SLC1A3: variants seen among roughly 807,000 people sequenced by gnomAD.
SLC1A3 encodes the protein solute carrier family 1 member 3.
Under a neutral mutation model 48.1 loss-of-function variants are expected in SLC1A3, and 21 were observed. That is an observed-to-expected ratio of 0.44 (90% CI 0.31 to 0.63). The LOEUF is 0.63. Ranked by LOEUF, SLC1A3 falls within the 20% of genes least tolerant of loss-of-function variation. The pLI, the probability that SLC1A3 is intolerant of heterozygous loss-of-function variation, is 0.08. For synonymous variants in SLC1A3, 239 were observed against 251.4 expected (o/e 0.95, Z 0.47); for missense variants, 546 against 689.0 (o/e 0.79, Z 2.32).
At chr5:36,660,626 C>T (rs183518433) in intron 3 of SLC1A3, among the ~76,000 whole-genome samples, 9 of 152,292 alleles carry the variant, frequency 5.9e-5, no homozygotes, top group Non-Finnish European at 1.2e-4. Context: ...GGAAGCCGAC[C>T]AATTCTAGAG....
At chr5:36,608,749 T>G in intron 2 of SLC1A3, 145 bp downstream of exon 2, 1 of 1,466,974 alleles carries the variant, frequency 6.8e-7, no homozygotes, top group Non-Finnish European at 9.0e-7. Context: ...TTTTTCTCCA[T>G]AAAAATGACT....
At chr5:36,666,783 A>G (rs956641075) in intron 3 of SLC1A3, among the ~76,000 whole-genome samples, 11 of 152,202 alleles carry the variant, frequency 7.2e-5, no homozygotes, top group Admixed American at 2.6e-4. Flanking sequence ...AATTTACCAT[A>G]TAGACTTACA....
rs2111991965 is a variant in SLC1A3 at position 36,686,290 on chromosome 5, T to C, written c.*21T>C. 2 of 1,559,008 alleles carry C rather than the reference T, an allele frequency of 1.3e-6. No individual in the cohort carries two copies. The highest frequency in any genetic ancestry group is 2.2e-5 in the South Asian group (2 of 89,942). On this transcript the variant is annotated 3_prime_UTR_variant, in exon 10 of 10. Coordinates refer to ENST00000265113, the MANE Select transcript of SLC1A3 (RefSeq NM_004172.5). ...TGTAGACTAACATAAAGAAACACTTTCTTGAGCACCAGGTGTTAAAAACCA... is the reference window on the plus strand; with the variant it reads ...TGTAGACTAACATAAAGAAACACTTCCTTGAGCACCAGGTGTTAAAAACCA...
chr5:36,682,381 G>T (rs755576382), intron 8 of SLC1A3, among the ~76,000 whole-genome samples: 2 of 152,180 alleles, frequency 1.3e-5, no homozygotes, highest in Non-Finnish European at 1.5e-5. Context: ...AGGCTGATCA[G>T]GGCCAGAGGT....
intron 6 of SLC1A3, among the ~76,000 whole-genome samples, chr5:36,677,442 C>T (rs938835146): frequency 2.6e-5 from 4 of 152,190 alleles, no homozygotes; most frequent in African/African-American, 9.7e-5. Context: ...TCTCATTCCT[C>T]ATTTCTCCAT....
chr5:36,679,783 G>A lies in SLC1A3; in HGVS notation c.1017G>A (p.Leu339=). 1 of 1,614,080 alleles carries A rather than the reference G, an allele frequency of 6.2e-7. No homozygotes were observed. Among genetic ancestry groups the A allele is most frequent in the East Asian group, 2.2e-5 (1 of 44,884 alleles). The part of the protein sequence containing the change: ...AVIVLPLLYF[L]VTRKNPWVFI... ...TCGTCTTGCCACTCCTCTACTTCTT[G>A]GTAACACGGAAAAACCCTTGGGTTT... Residue 339 remains leucine, a synonymous_variant, in exon 7 of 10, where the codon TTG becomes TTA. Transcript: ENST00000265113.
chr5:36,648,735 C>A (rs964969220), intron 3 of SLC1A3, among the ~76,000 whole-genome samples: 6 of 152,192 alleles, frequency 3.9e-5, no homozygotes, highest in East Asian at 1.9e-4. Flanking sequence ...TTAAAGATAG[C>A]ACATCTCACC....
chr5:36,658,517 A>T (rs189279051), intron 3 of SLC1A3, among the ~76,000 whole-genome samples: 5 of 152,220 alleles, frequency 3.3e-5, no homozygotes, highest in Non-Finnish European at 7.3e-5. Flanking sequence ...TGGTAAACGT[A>T]TCTCAGACTT....
At chr5:36,672,702 G>A (rs1049657156) in intron 4 of SLC1A3, among the ~76,000 whole-genome samples, 1 of 152,148 alleles carries the variant, frequency 6.6e-6, no homozygotes, top group Non-Finnish European at 1.5e-5. Context: ...CTCTATGTAT[G>A]TAAACACTAC....
intron 3 of SLC1A3, among the ~76,000 whole-genome samples, chr5:36,635,065 C>T (rs2111778186): frequency 6.6e-6 from 1 of 151,710 alleles, no homozygotes; most frequent in South Asian, 2.1e-4. Context: ...TGCCATGGCT[C>T]TGGTGTATGT....
intron 2 of SLC1A3, 76 bp downstream of exon 2, chr5:36,608,680 C>G: frequency 6.3e-7 from 1 of 1,590,834 alleles, no homozygotes; most frequent in Non-Finnish European, 8.5e-7. Context: ...GGAATATTAT[C>G]AGATGAACTA....
At chr5:36,631,368 C>G in intron 3 of SLC1A3, among the ~76,000 whole-genome samples, 1 of 152,066 alleles carries the variant, frequency 6.6e-6, no homozygotes, top group East Asian at 1.9e-4. Context: ...TTTCTTAATA[C>G]CTAATAACAA....
At chr5:36,634,121 C>T (rs1579975305) in intron 3 of SLC1A3, among the ~76,000 whole-genome samples, 1 of 151,902 alleles carries the variant, frequency 6.6e-6, no homozygotes, top group Non-Finnish European at 1.5e-5. Context: ...ACTAAAAATA[C>T]AAAAATTAGC....
At chr5:36,643,542 T>G (rs1359877980) in intron 3 of SLC1A3, among the ~76,000 whole-genome samples, 2 of 152,190 alleles carry the variant, frequency 1.3e-5, no homozygotes, top group African/African-American at 4.8e-5. Flanking sequence ...TAATCGTTCT[T>G]TATATATTAA....
At chr5:36,628,758 G>A (rs1204851360) in intron 2 of SLC1A3, among the ~76,000 whole-genome samples, 2 of 152,184 alleles carry the variant, frequency 1.3e-5, no homozygotes, top group Non-Finnish European at 2.9e-5. Flanking sequence ...AAATTAAGGG[G>A]AAAATTGCGT....
At chr5:36,655,206 A>T (rs1396772836) in intron 3 of SLC1A3, among the ~76,000 whole-genome samples, 1 of 152,120 alleles carries the variant, frequency 6.6e-6, no homozygotes, top group African/African-American at 2.4e-5. Flanking sequence ...ATTCTGCTTT[A>T]ATATTATAAA....
rs988938686 is a variant in SLC1A3 at position 36,601,205 on chromosome 5, A to G, written c.-96+4527A>G. 4.4e-4 allele frequency among the ~76,000 whole-genome samples: 67 copies of G among 152,340 alleles called. 1 individual carries two copies. Among genetic ancestry groups the G allele is most frequent in the Non-Finnish European group, 5.9e-5 (4 of 68,028 alleles). On this transcript the variant is annotated intron_variant, in intron 1 of 9. Transcript: ENST00000680318. ...TATGATTCTATACCAGCAAACAGTT[A>G]TAAAAGATTCATGTCATCACTGTGC... is the stretch of plus-strand genomic sequence containing the variant.
Position 36,629,476 on chromosome 5 carries a change from C to T in SLC1A3, c.208C>T (p.Pro70Ser). The stretch of plus-strand genomic sequence containing the variant: ...TACAATCCTTGGATTTACCCTCCGA[C>T]CATACAGAATGAGCTACCGGGAAGT... The part of the protein sequence containing the change: ...VGTILGFTLR[P>S]YRMSYREVKY... Residue 70 changes from proline (P) to serine (S), a missense_variant, in exon 3 of 10, where the codon CCA (proline) becomes TCA (serine). Transcript: ENST00000265113. 1.2e-6 allele frequency: 2 copies of T among 1,610,498 alleles called. No individual in the cohort carries two copies. The highest frequency in any genetic ancestry group is 1.7e-6 in the Non-Finnish European group (2 of 1,178,552).
intron 3 of SLC1A3, among the ~76,000 whole-genome samples, chr5:36,653,295 TTTCAAAATTTAGGTTA>T (rs1226074394): frequency 6.6e-6 from 1 of 152,212 alleles, no homozygotes; most frequent in Non-Finnish European, 1.5e-5. Context: ...CGACACTGGT[TTTCAAAATTTAGGTTA>T]TTTCATGTCA....
Sources: gnomAD v4.1 joint callset for allele counts (sites outside exome capture counted in the v4.1 genomes callset) on GRCh38, gnomAD v4.1.1 for gene constraint, MANE v1.5 for transcripts, NCBI Gene and HGNC (gene_info 2026-07-23, HGNC 2026-07-21) for gene names.